The following ECE1 variants were observed in gnomAD, a reference collection of about 807,000 sequenced individuals.
ECE1 encodes endothelin-converting enzyme 1.
Under a neutral mutation model 98.6 loss-of-function variants are expected in ECE1, and 35 were observed. That is an observed-to-expected ratio of 0.35 (90% CI 0.27 to 0.47). The LOEUF (loss-of-function observed/expected upper bound fraction) is 0.47, where lower values mean the gene tolerates loss of function less well. ECE1 is among the 20% of genes least tolerant of loss of function. The pLI, the probability that ECE1 is intolerant of heterozygous loss-of-function variation, is 1.00. For synonymous variants in ECE1, 394 were observed against 407.1 expected, an observed-to-expected ratio of 0.97 and a Z score of 0.39; for missense variants, 814 against 1,025.3, an observed-to-expected ratio of 0.79 and a Z score of 2.81.
chr1:21,341,094 C>T (rs1177726190), intron 1 of ECE1, among the ~76,000 whole-genome samples: 3 of 150,464 alleles, frequency 2.0e-5, no homozygotes, highest in South Asian at 2.2e-4. Context: ...GATTTTAATG[C>T]CATGTGCTCA....
intron 2 of ECE1, among the ~76,000 whole-genome samples, chr1:21,280,583 G>A (rs964087526): frequency 1.3e-5 from 2 of 152,212 alleles, no homozygotes; most frequent in African/African-American, 4.8e-5. Flanking sequence ...TTACCCTTTG[G>A]GAAGGGCAGG....
rs184461867 is a variant in ECE1 at position 21,326,271 on chromosome 1, G to A, written c.3+19105C>T. Among the ~76,000 whole-genome samples, 280 of 152,264 alleles carry A rather than the reference G, an allele frequency of 1.8e-3. 1 individual carries two copies. Among genetic ancestry groups the A allele is most frequent in the Admixed American group, 3.7e-3 (57 of 15,290 alleles). On this transcript the variant is annotated intron_variant, in intron 1 of 18. Transcript: ENST00000415912. ...CCACAAATGGGGAGGGCTGGGAGAA[G>A]GGGTGGCAGGATCAAGCTTGTCTCT...
chr1:21,278,873 C>A (rs1434897636), intron 3 of ECE1, among the ~76,000 whole-genome samples: 1 of 152,164 alleles, frequency 6.6e-6, no homozygotes, highest in African/African-American at 2.4e-5. Flanking sequence ...AGTCCGCAGA[C>A]CCATCCCCCA....
At chr1:21,342,523 C>T (rs1258219289) in intron 1 of ECE1, among the ~76,000 whole-genome samples, 2 of 151,900 alleles carry the variant, frequency 1.3e-5, no homozygotes, top group African/African-American at 4.8e-5. Context: ...GGGTTAGAGA[C>T]GTGGGTGGGG....
intron 14 of ECE1, among the ~76,000 whole-genome samples, chr1:21,230,923 G>A (rs1042685091): frequency 6.6e-6 from 1 of 151,798 alleles, no homozygotes; most frequent in Non-Finnish European, 1.5e-5. Flanking sequence ...CTGCTTCCCG[G>A]GTTCAAGCGA....
At chr1:21,291,265 C>T (rs1198590888), upstream of ECE1, among the ~76,000 whole-genome samples, 5 of 152,224 alleles carry the variant, frequency 3.3e-5, no homozygotes, top group African/African-American at 1.2e-4. Flanking sequence ...AGAGGTCTAA[C>T]CCAGCAGATT....
intron 11 of ECE1, among the ~76,000 whole-genome samples, chr1:21,237,318 G>C (rs1459016170): frequency 6.6e-6 from 1 of 152,128 alleles, no homozygotes; most frequent in Non-Finnish European, 1.5e-5. Flanking sequence ...AGGTGTTCTT[G>C]AGGGAGACAA....
chr1:21,255,275 C>G (rs1439445934), intron 8 of ECE1, among the ~76,000 whole-genome samples: 1 of 152,200 alleles, frequency 6.6e-6, no homozygotes, highest in Admixed American at 6.5e-5. Context: ...CAAGAAACGG[C>G]AAGATCGGTG....
At chr1:21,284,563 C>G (rs913947106) in intron 2 of ECE1, among the ~76,000 whole-genome samples, 1 of 152,198 alleles carries the variant, frequency 6.6e-6, no homozygotes, top group African/African-American at 2.4e-5. Context: ...AAAAGAGCAG[C>G]GCTATCCAGC....
rs982721115 is a variant in ECE1, at chr1:21,220,235, C to T, written c.2137-104G>A. 6.5e-5 allele frequency: 86 copies of T among 1,313,798 alleles called. No individual in the cohort carries two copies. The highest frequency in any genetic ancestry group is 8.1e-5 in the Non-Finnish European group (79 of 969,474). 81.4% of individuals were successfully genotyped at this position (1,313,798 alleles called of 1,614,324 possible). The stretch of plus-strand genomic sequence containing the variant: ...GGGAGGCCAGGTGCGGTGGCTCACA[C>T]CTGTAATCCCAGCACTTTGGGAGCC... On this transcript the variant is annotated intron_variant, in intron 18 of 18. Coordinates refer to ENST00000374893, the MANE Select transcript of ECE1 (RefSeq NM_001397.3). The surrounding 1 kb of genome is among the most constrained non-coding windows in gnomAD (Gnocchi z 5.0).
Position 21,225,140 on chromosome 1 carries a change from C to G in ECE1, c.2040+110G>C. On this transcript the variant is annotated intron_variant, in intron 17 of 18. Transcript: ENST00000374893. The surrounding 1 kb of genome is among the most constrained non-coding windows in gnomAD (Gnocchi z 5.3). ...AATTTCGCAGAAGAGGAAACGGAAGCTCGCACGGCTGCTGCGCCTGCCCTG... is the reference window on the plus strand; with the variant it reads ...AATTTCGCAGAAGAGGAAACGGAAGGTCGCACGGCTGCTGCGCCTGCCCTG... 7.0e-7 allele frequency: 1 copy of G among 1,432,604 alleles called. No homozygotes were observed. The highest frequency in any genetic ancestry group is 9.5e-7 in the Non-Finnish European group (1 of 1,049,270). The allele number at this position is 1,432,604 out of a possible 1,614,324, so 88.7% of individuals were successfully genotyped here.
rs962323794 is a variant in ECE1, at chr1:21,319,742, A to T, written c.3+25634T>A. 6.6e-6 allele frequency among the ~76,000 whole-genome samples: 1 copy of T among 152,000 alleles called. No homozygotes were observed. Among genetic ancestry groups the T allele is most frequent in the African/African-American group, 2.4e-5 (1 of 41,362 alleles). ...CGGGAGGCACGGCTCACTGTTCCCT[A>T]GTTTGTCTTGGTCCCCCAGAGGGCC... On this transcript the variant is annotated intron_variant, in intron 1 of 18. Coordinates refer to the ECE1 transcript ENST00000415912. The surrounding 1 kb of genome is among the most constrained non-coding windows in gnomAD (Gnocchi z 4.4).
intron 10 of ECE1, 153 bp from the exon 11 acceptor site, chr1:21,238,397 C>A: frequency 1.4e-6 from 1 of 693,250 alleles, no homozygotes; most frequent in Non-Finnish European, 2.6e-6. Context: ...AGTCACCGGA[C>A]CAAGAGGCCA....
chr1:21,310,034 A>T (rs1052568479), intron 1 of ECE1, among the ~76,000 whole-genome samples: 5 of 152,008 alleles, frequency 3.3e-5, no homozygotes, highest in Admixed American at 2.0e-4. Flanking sequence ...TCGTGTCGTG[A>T]TCCACCCGCC....
chr1:21,220,245 C>A lies in ECE1; in HGVS notation c.2137-114G>T, dbSNP rs2098165708. The A allele has an allele frequency of 8.0e-7, 1 of 1,250,240 alleles. No individual in the cohort carries two copies. Among genetic ancestry groups the A allele is most frequent in the Non-Finnish European group, 1.1e-6 (1 of 919,250 alleles). The allele number at this position is 1,250,240 out of a possible 1,614,324, so 77.4% of individuals were successfully genotyped here. On this transcript the variant is annotated intron_variant, in intron 18 of 18. Transcript: ENST00000374893. This position sits in a 1 kb window ranked among gnomAD's most constrained non-coding sequence, Gnocchi z 5.0. ...GTGCGGTGGCTCACACCTGTAATCC[C>A]AGCACTTTGGGAGCCAAGGTGGAAG...
intron 8 of ECE1, among the ~76,000 whole-genome samples, chr1:21,250,706 C>A (rs962790067): frequency 1.3e-5 from 2 of 152,130 alleles, no homozygotes; most frequent in African/African-American, 4.8e-5. Context: ...AGCCATAAAC[C>A]CCCGCTTAAC....
chr1:21,236,928 G>A, intron 11 of ECE1, 84 bp from the exon 12 acceptor site: 1 of 1,281,328 alleles, frequency 7.8e-7, no homozygotes, highest in Non-Finnish European at 1.1e-6. Context: ...AACAATGATG[G>A]CCAGAGATTA....
At chr1:21,262,423 T>C (rs747955622) in intron 4 of ECE1, among the ~76,000 whole-genome samples, 2 of 152,164 alleles carry the variant, frequency 1.3e-5, no homozygotes, top group Admixed American at 6.5e-5. Context: ...CTCGTTCCTA[T>C]GGCAACACTC....
At chr1:21,292,179 A>G (rs2098267179), upstream of ECE1, among the ~76,000 whole-genome samples, 1 of 151,950 alleles carries the variant, frequency 6.6e-6, no homozygotes. Context: ...AATAAAAAAA[A>G]ATTCTGATAT....
Sources: allele counts gnomAD v4.1 joint callset (sites outside exome capture counted in the v4.1 genomes callset), GRCh38; gene constraint gnomAD v4.1.1; non-coding constraint Gnocchi (gnomAD v3.1); transcripts MANE v1.5; gene names NCBI Gene and HGNC (gene_info 2026-07-23, HGNC 2026-07-21).